Variants in CTNNA2 observed in about 807,000 individuals in gnomAD.
CTNNA2 encodes catenin alpha-2.
A neutral mutation model predicts 101.0 loss-of-function variants in CTNNA2; 42 were observed. That is an observed-to-expected ratio of 0.42 (90% CI 0.32 to 0.54). The LOEUF (loss-of-function observed/expected upper bound fraction) is 0.54. Ranked by LOEUF, CTNNA2 falls within the 20% of genes least tolerant of loss-of-function variation. The probability of loss-of-function intolerance (pLI) is 0.14; values close to 1 mark genes in which losing one functional copy is unlikely to be tolerated. For missense variants in CTNNA2, 871 were observed against 1,223.1 expected, an observed-to-expected ratio of 0.71 and a Z score of 4.29; for synonymous variants, 450 against 456.4, an observed-to-expected ratio of 0.99 and a Z score of 0.18.
intron 2 of CTNNA2, among the ~76,000 whole-genome samples, chr2:79,218,718 G>A (rs1042626273): frequency 1.3e-5 from 2 of 152,138 alleles, no homozygotes; most frequent in Non-Finnish European, 2.9e-5. Flanking sequence ...ACAAATCACG[G>A]ATCTTGGAAA....
intron 2 of CTNNA2, among the ~76,000 whole-genome samples, chr2:79,656,662 A>G (rs555034407): frequency 2.0e-5 from 3 of 152,060 alleles, no homozygotes; most frequent in African/African-American, 4.8e-5. Flanking sequence ...GAAATTGTAC[A>G]TTATTAAAAT....
chr2:79,792,243 G>T (rs2105257600), intron 3 of CTNNA2, among the ~76,000 whole-genome samples: 1 of 152,222 alleles, frequency 6.6e-6, no homozygotes, highest in Non-Finnish European at 1.5e-5. Flanking sequence ...GGTACTCTTT[G>T]TACCTGACTA....
At chr2:79,706,245 C>A (rs1204768361) in intron 2 of CTNNA2, among the ~76,000 whole-genome samples, 1 of 151,702 alleles carries the variant, frequency 6.6e-6, no homozygotes, top group Admixed American at 6.6e-5. Flanking sequence ...CGCCTGTAGT[C>A]CCAGCTTCTC....
intron 7 of CTNNA2, among the ~76,000 whole-genome samples, chr2:80,259,595 G>A (rs530636680): frequency 1.9e-4 from 29 of 152,254 alleles, no homozygotes; most frequent in African/African-American, 6.7e-4. Context: ...AGAAGTCTCA[G>A]TTCACTCACC....
At chr2:79,195,084 C>T (rs1245306888) in intron 1 of CTNNA2, among the ~76,000 whole-genome samples, 1 of 152,102 alleles carries the variant, frequency 6.6e-6, no homozygotes, top group East Asian at 1.9e-4. Context: ...GAAACATTCA[C>T]AGTGTTCTTC....
intron 14 of CTNNA2, among the ~76,000 whole-genome samples, chr2:80,583,422 C>G (rs1466242219): frequency 6.6e-6 from 1 of 152,162 alleles, no homozygotes; most frequent in African/African-American, 2.4e-5. Flanking sequence ...ACTTGAAAAT[C>G]TTTTGACTCT....
chr2:79,433,329 G>A (rs1678676483), intron 4 of CTNNA2, among the ~76,000 whole-genome samples: 2 of 152,246 alleles, frequency 1.3e-5, no homozygotes, highest in South Asian at 4.1e-4. Flanking sequence ...TTCACTCATG[G>A]GATTAGGACA....
At chr2:79,990,980 GCTGCTTC>G (rs928114986) in intron 7 of CTNNA2, among the ~76,000 whole-genome samples, 8 of 152,110 alleles carry the variant, frequency 5.3e-5, no homozygotes, top group Non-Finnish European at 1.0e-4. Flanking sequence ...CAGAGATTCA[GCTGCTTC>G]CTGGTTTAGT....
At chr2:80,455,384 A>G (rs942568962) in intron 9 of CTNNA2, among the ~76,000 whole-genome samples, 6 of 152,162 alleles carry the variant, frequency 3.9e-5, no homozygotes, top group Non-Finnish European at 7.3e-5. Flanking sequence ...GAGGGTTGAG[A>G]AGGCAGGACT....
rs553040956 is a variant in CTNNA2, at chr2:79,395,634, A to G, written c.-135+21621A>G. 1.3e-3 allele frequency among the ~76,000 whole-genome samples: 203 copies of G among 152,306 alleles called. 1 individual carries two copies. Among genetic ancestry groups the G allele is most frequent in the African/African-American group, 4.7e-3 (194 of 41,572 alleles). On this transcript the variant is annotated intron_variant, in intron 4 of 21. Coordinates refer to the CTNNA2 transcript ENST00000466387. ...AATAAGACTCTTGGTACATCCAGAG[A>G]GAAGTCCATTTCCTATCTTTAGCTA...
intron 2 of CTNNA2, among the ~76,000 whole-genome samples, chr2:79,286,160 G>C (rs1675571704): frequency 6.6e-6 from 1 of 152,230 alleles, no homozygotes; most frequent in African/African-American, 2.4e-5. Flanking sequence ...CTGCATGTGA[G>C]ATGGGTTTCC....
chr2:80,424,012 G>A (rs987252401), intron 9 of CTNNA2, among the ~76,000 whole-genome samples: 2 of 151,976 alleles, frequency 1.3e-5, no homozygotes, highest in Non-Finnish European at 2.9e-5. Flanking sequence ...CTGGAGTGCA[G>A]TGGCGCAATC....
intron 7 of CTNNA2, among the ~76,000 whole-genome samples, chr2:80,011,711 T>C (rs191378479): frequency 5.5e-4 from 84 of 152,344 alleles, no homozygotes; most frequent in African/African-American, 2.0e-3. Context: ...TACCTACATA[T>C]AAGCAATAAA....
At chr2:80,542,470 GTCAC>G (rs900140978) in intron 9 of CTNNA2, among the ~76,000 whole-genome samples, 5 of 151,878 alleles carry the variant, frequency 3.3e-5, no homozygotes, top group Non-Finnish European at 7.4e-5. Flanking sequence ...ACAGTGGTAT[GTCAC>G]TCAGTCAAGA....
chr2:80,055,812 G>A (rs1246746160), intron 7 of CTNNA2, among the ~76,000 whole-genome samples: 1 of 152,140 alleles, frequency 6.6e-6, no homozygotes, highest in African/African-American at 2.4e-5. Flanking sequence ...GTTCTGGCAT[G>A]CCTTCAGTGC....
chr2:80,539,319 TTTTTG>T (rs754549215), intron 9 of CTNNA2, among the ~76,000 whole-genome samples: 159 of 107,198 alleles, frequency 1.5e-3, no homozygotes, highest in Non-Finnish European at 2.0e-3. Flanking sequence ...TGCTTTTTTT[TTTTTG>T]TTGTTGTTGT....
chr2:80,138,041 TAAAG>T (rs1702794799), intron 7 of CTNNA2, among the ~76,000 whole-genome samples: 1 of 152,166 alleles, frequency 6.6e-6, no homozygotes, highest in Admixed American at 6.5e-5. Flanking sequence ...GTGTGGAAAA[TAAAG>T]AAAAATTGAT....
At chr2:79,237,075 G>T (rs1031304206) in intron 2 of CTNNA2, among the ~76,000 whole-genome samples, 10 of 152,114 alleles carry the variant, frequency 6.6e-5, no homozygotes, top group African/African-American at 1.9e-4. Flanking sequence ...ATCCATCAGA[G>T]AAATCACTAT....
At chr2:79,935,718 A>T (rs1037115629) in intron 7 of CTNNA2, among the ~76,000 whole-genome samples, 9 of 152,356 alleles carry the variant, frequency 5.9e-5, no homozygotes, top group African/African-American at 1.9e-4. Context: ...TACCTTTTAC[A>T]AATTGTCCCT....
Sources: allele counts gnomAD v4.1 joint callset (sites outside exome capture counted in the v4.1 genomes callset), GRCh38; gene constraint gnomAD v4.1.1; transcripts MANE v1.5; gene names NCBI Gene and HGNC (gene_info 2026-07-23, HGNC 2026-07-21).